The following ZNF331 variants were observed in gnomAD, a reference collection of about 807,000 sequenced individuals.
ZNF331 encodes zinc finger protein 331, also known as C2H2-like zinc finger protein rearranged in thyroid adenomas.
ZNF331 carries 2 observed loss-of-function variants against 7.0 expected under a neutral mutation model. The ratio of observed to expected loss-of-function variants is 0.29; its 90% CI spans 0.12 to 0.90. The LOEUF (loss-of-function observed/expected upper bound fraction) is 0.90, where lower values mean the gene tolerates loss of function less well. Among genes scored for constraint, ZNF331 ranks in the 40% least tolerant of loss-of-function variants. ZNF331 has a pLI of 0.58. For missense variants in ZNF331, 432 were observed against 587.7 expected, an observed-to-expected ratio of 0.74 and a Z score of 2.74; for synonymous variants, 196 against 205.4, an observed-to-expected ratio of 0.95 and a Z score of 0.39.
intron 2 of ZNF331, among the ~76,000 whole-genome samples, chr19:53,546,368 C>G (rs149913382): frequency 2.0e-3 from 307 of 151,842 alleles, no homozygotes; most frequent in African/African-American, 7.2e-3. Flanking sequence ...GCAATTTATC[C>G]CAGTAATTCC....
chr19:53,562,208 A>C (rs567135355), intron 3 of ZNF331, among the ~76,000 whole-genome samples: 1 of 152,144 alleles, frequency 6.6e-6, no homozygotes, highest in African/African-American at 2.4e-5. Flanking sequence ...CCAGAACATG[A>C]CAGTAATCAC....
Position 53,577,945 on chromosome 19 carries a change from A to G in ZNF331, c.1385A>G (p.Asn462Ser). The change falls in exon 6 of 6, where the codon AAC becomes AGC. Residue 462 changes from asparagine (N) to serine (S), a missense_variant. By Grantham distance (46) the Asn-to-Ser change is conservative. Transcript: ENST00000449416. ...CTCCGAGAACATCAGAGGATCCACA[A>G]CAGTTGAAGAGCCTTTTGAACGCAG... ...NHLREHQRIH[N>S]S 6.2e-7 allele frequency: 1 copy of G among 1,610,076 alleles called. No homozygotes were observed. Among genetic ancestry groups the G allele is most frequent in the Non-Finnish European group, 8.5e-7 (1 of 1,177,222 alleles).
At chr19:53,521,451 C>G (rs546758576) in exon 1 of ZNF331, 1 of 152,504 alleles carries the variant, frequency 6.6e-6, no homozygotes, top group Non-Finnish European at 1.5e-5. Flanking sequence ...GAACAAGCCC[C>G]GTTCCCCTAA....
the ZNF331 span, among the ~76,000 whole-genome samples, chr19:53,506,057 T>C: frequency 4.3e-3 from 646 of 149,502 alleles, 7 homozygotes; most frequent in African/African-American, 0.015. Flanking sequence ...TCACACCGGC[T>C]GGGTGCAGTG....
At chr19:53,541,872 G>T (rs1421453618) in intron 2 of ZNF331, among the ~76,000 whole-genome samples, 1 of 152,036 alleles carries the variant, frequency 6.6e-6, no homozygotes, top group East Asian at 1.9e-4. Flanking sequence ...GATTAGCCAG[G>T]CATGGTGATG....
upstream of ZNF331, among the ~76,000 whole-genome samples, chr19:53,517,780 T>C (rs762673684): frequency 5.9e-5 from 9 of 152,156 alleles, no homozygotes; most frequent in Non-Finnish European, 1.2e-4. Context: ...AAGCCAACAG[T>C]GCAGCCTTCA....
chr19:53,510,827 A>G, the ZNF331 span, among the ~76,000 whole-genome samples: 1 of 152,130 alleles, frequency 6.6e-6, no homozygotes, highest in Non-Finnish European at 1.5e-5. Flanking sequence ...GTACATTTGT[A>G]TATTTCAGAA....
chr19:53,534,134 A>T (rs1600233215), upstream of ZNF331, among the ~76,000 whole-genome samples: 1 of 152,336 alleles, frequency 6.6e-6, no homozygotes, highest in East Asian at 1.9e-4. Context: ...AGGGGGTGAC[A>T]TCTTAAGTCC....
intron 2 of ZNF331, among the ~76,000 whole-genome samples, chr19:53,545,754 G>T (rs772230802): frequency 1.3e-5 from 2 of 152,166 alleles, no homozygotes; most frequent in Non-Finnish European, 2.9e-5. Flanking sequence ...CCAGGACCCT[G>T]TCATTAACTG....
rs1479450476 is a variant in ZNF331, at chr19:53,571,408, C to A, written c.10-196C>A. ...CACAGTAAAGTCATTTTCTCTGCAG[C>A]GGTAGAGCTCTTCAGTGACATGCAG... is the stretch of plus-strand genomic sequence containing the variant. On this transcript the variant is annotated intron_variant, in intron 4 of 5. Transcript: ENST00000449416. This position sits in a 1 kb window ranked among gnomAD's most constrained non-coding sequence, Gnocchi z 4.7. Among the ~76,000 whole-genome samples, 1 of 152,112 alleles carries A rather than the reference C, an allele frequency of 6.6e-6. No individual in the cohort carries two copies. The highest frequency in any genetic ancestry group is 1.9e-4 in the East Asian group (1 of 5,170).
rs762337563 is a variant in ZNF331 at position 53,577,802 on chromosome 19, A to G, written c.1242A>G (p.Thr414=). 14 of 1,614,018 alleles carry G rather than the reference A, an allele frequency of 8.7e-6. No homozygotes were observed. Among genetic ancestry groups the G allele is most frequent in the African/African-American group, 1.3e-5 (1 of 74,918 alleles). Residue 414 remains threonine (T), a synonymous_variant, in exon 6 of 6, where the codon ACA becomes ACG. Coordinates refer to ENST00000449416, the MANE Select transcript of ZNF331 (RefSeq NM_001079906.2). ...IHTGVKPYGC[T]ECGKSFSHGH... is the part of the protein sequence containing the mutation. ...CCGGGGTGAAACCCTATGGGTGTAC[A>G]GAATGTGGGAAGAGCTTTAGTCACG...
the ZNF331 span, among the ~76,000 whole-genome samples, chr19:53,507,881 T>G: frequency 9.9e-5 from 15 of 152,136 alleles, no homozygotes; most frequent in Admixed American, 9.8e-4. Flanking sequence ...GCACCTGTGA[T>G]CCCAGCTACT....
intron 3 of ZNF331, among the ~76,000 whole-genome samples, chr19:53,556,318 TTATTCAG>T (rs2089426490): frequency 1.3e-5 from 2 of 151,610 alleles, no homozygotes; most frequent in Non-Finnish European, 2.9e-5. Context: ...TGACGACTGA[TTATTCAG>T]TGAAGGAAGA....
intron 3 of ZNF331, among the ~76,000 whole-genome samples, chr19:53,557,939 C>G (rs983397342): frequency 1.3e-5 from 2 of 152,184 alleles, no homozygotes; most frequent in East Asian, 3.8e-4. Context: ...ACACTCCAGC[C>G]TAGGTGACAG....
At chr19:53,540,591 C>T (rs746197717) in intron 2 of ZNF331, among the ~76,000 whole-genome samples, 9 of 152,090 alleles carry the variant, frequency 5.9e-5, no homozygotes, top group Admixed American at 2.0e-4. Context: ...TGTCACCATC[C>T]GCAGCTAATT....
At position 53,571,694 on chromosome 19, in the gene ZNF331, G is replaced by T. The variant is rs1214327591; in HGVS notation, c.100G>T (p.Val34Leu). 6.2e-7 allele frequency: 1 copy of T among 1,613,202 alleles called. No homozygotes were observed. The highest frequency in any genetic ancestry group is 1.7e-5 in the Admixed American group (1 of 59,910). Residue 34 changes from valine (V) to leucine (L), a missense_variant, in exon 5 of 6, where the codon GTG (valine) becomes TTG (leucine). Val to Leu is a conservative substitution (Grantham distance 32, BLOSUM62 1). This residue lies in a region of ZNF331 where 39 missense variants were observed against 68.8 expected (regional missense o/e 0.57). Coordinates refer to ENST00000449416, the MANE Select transcript of ZNF331 (RefSeq NM_001079906.2). This position sits in a 1 kb window ranked among gnomAD's most constrained non-coding sequence, Gnocchi z 4.7. ...TGCTCAGAGGGACCTGTACTGGGAC[G>T]TGATGCTGGAGAACTACAGTAACTT... ...NSAQRDLYWD[V>L]MLENYSNLVS... is the part of the protein sequence containing the mutation.
At chr19:53,519,890 C>A (rs1334079506), upstream of ZNF331, among the ~76,000 whole-genome samples, 2 of 152,124 alleles carry the variant, frequency 1.3e-5, no homozygotes, top group African/African-American at 4.8e-5. Flanking sequence ...CATGTAAACA[C>A]CCTACCTAAC....
chr19:53,554,529 C>G (rs1476823608), intron 2 of ZNF331: 1 of 152,174 alleles, frequency 6.6e-6, no homozygotes, highest in African/African-American at 2.4e-5. Flanking sequence ...GTGGCGGGAC[C>G]GACTGTGTGA....
At chr19:53,528,093 T>C (rs1258560882) in intron 2 of ZNF331, among the ~76,000 whole-genome samples, 1 of 152,240 alleles carries the variant, frequency 6.6e-6, no homozygotes, top group Non-Finnish European at 1.5e-5. Flanking sequence ...ATTCAGTCTC[T>C]TGCTAATATT....
Sources: allele counts gnomAD v4.1 joint callset (sites outside exome capture counted in the v4.1 genomes callset), GRCh38; gene constraint gnomAD v4.1.1; regional missense constraint gnomAD v4.1.1; non-coding constraint Gnocchi (gnomAD v3.1); transcripts MANE v1.5; gene names NCBI Gene and HGNC (gene_info 2026-07-23, HGNC 2026-07-21).